TBCE: variants seen among roughly 807,000 people sequenced by gnomAD.
TBCE encodes tubulin folding cofactor E, also known as tubulin-specific chaperone E.
Under a neutral mutation model 77.0 loss-of-function variants are expected in TBCE, and 53 were observed. That is an observed-to-expected ratio of 0.69 (90% CI 0.55 to 0.87). The LOEUF is 0.87. Ranked by LOEUF, TBCE falls within the 40% of genes least tolerant of loss-of-function variation. The probability of loss-of-function intolerance (pLI) is 0.00; values close to 1 mark genes in which losing one functional copy is unlikely to be tolerated. For missense variants in TBCE, 624 were observed against 622.4 expected (o/e 1.00, Z -0.03); for synonymous variants, 235 against 241.3 (o/e 0.97, Z 0.24).
At chr1:235,418,078 G>A (rs944689988) in intron 4 of TBCE, among the ~76,000 whole-genome samples, 1 of 152,082 alleles carries the variant, frequency 6.6e-6, no homozygotes, top group Non-Finnish European at 1.5e-5. Flanking sequence ...CACTGCCCCC[G>A]GCCATGTATT....
At chr1:235,412,746 GTATGTT>G (rs1028476179) in intron 3 of TBCE, among the ~76,000 whole-genome samples, 21 of 152,248 alleles carry the variant, frequency 1.4e-4, no homozygotes, top group African/African-American at 5.1e-4. Flanking sequence ...AAAACTGTAC[GTATGTT>G]TATGTTAACA....
In TBCE at chr1:235,426,834, G is replaced by A. The variant is rs564882050; in HGVS notation, c.461-306G>A. On this transcript the variant is annotated intron_variant, in intron 5 of 16. Transcript: ENST00000642610. ...TTAATTTCTGTATTTTTAGTAGAAT[G>A]GGGTTTTGCCATGTGGGCCAGGCTG... Among the ~76,000 whole-genome samples the A allele has an allele frequency of 7.9e-5, 12 of 152,236 alleles. No individual in the cohort carries two copies. In the South Asian group the frequency reaches 2.5e-3, roughly 32 times the overall value.
intron 16 of TBCE, 87 bp from the exon 17 acceptor site, chr1:235,448,583 G>A (rs1682644311): frequency 7.7e-5 from 106 of 1,383,848 alleles, no homozygotes; most frequent in Non-Finnish European, 1.1e-4. Flanking sequence ...GCTACTGCCT[G>A]GGGACGGGGT....
rs749765747 is a variant in TBCE, at chr1:235,380,160, AT to A, written c.100+13del. On this transcript the variant is annotated intron_variant, in intron 2 of 16. Coordinates refer to ENST00000642610, the MANE Select transcript of TBCE (RefSeq NM_003193.5). Reference sequence around the variant, plus strand: ...TCCCTCCCGTGGCAGGTAAGCAATTATTGTGTGTGTGTGTGTGTGTGTGTGT... The same window carrying A: ...TCCCTCCCGTGGCAGGTAAGCAATTATGTGTGTGTGTGTGTGTGTGTGTGT... The A allele has an allele frequency of 1.7e-3, 2,374 of 1,358,300 alleles. 3 individuals are homozygous for A. The highest frequency in any genetic ancestry group is 2.0e-3 in the Non-Finnish European group (1,925 of 976,282). The allele number at this position is 1,358,300 out of a possible 1,614,324, so 84.1% of individuals were successfully genotyped here. A position where few individuals can be genotyped will look rare whatever the true frequency, so the allele number is the denominator to read the frequency against.
At chr1:235,439,711 C>G (rs1213022135) in intron 13 of TBCE, among the ~76,000 whole-genome samples, 1 of 151,594 alleles carries the variant, frequency 6.6e-6, no homozygotes, top group Non-Finnish European at 1.5e-5. Flanking sequence ...TGGTCTTGAA[C>G]TCCTGACCTC....
At chr1:235,392,900 C>T (rs911881915) in intron 2 of TBCE, among the ~76,000 whole-genome samples, 7 of 151,714 alleles carry the variant, frequency 4.6e-5, no homozygotes, top group African/African-American at 1.5e-4. Context: ...GCCTGTAGTC[C>T]CAGCTACTGG....
intron 7 of TBCE, chr1:235,433,067 A>G: frequency 6.4e-7 from 1 of 1,553,812 alleles, no homozygotes; most frequent in Non-Finnish European, 8.6e-7. Context: ...AGTGCCAAGG[A>G]CCACACATCC....
intron 2 of TBCE, among the ~76,000 whole-genome samples, chr1:235,387,629 T>A (rs184349844): frequency 6.6e-6 from 1 of 152,234 alleles, no homozygotes; most frequent in Non-Finnish European, 1.5e-5. Flanking sequence ...TCTCCTGGTG[T>A]GCCGTTTTTT....
At position 235,436,554 on chromosome 1, in the gene TBCE, GTCCATGTTCCCA is replaced by G. The variant is rs1558388888; in HGVS notation, c.913_924del (p.Met305_Ser308del). ...TTCCTCTTTTTATAGGGTGCAAAACGTCCATGTTCCCATCCTTGAAGTACCTGGTAGTAAACG... is the reference window on the plus strand; with the variant it reads ...TTCCTCTTTTTATAGGGTGCAAAACGTCCTTGAAGTACCTGGTAGTAAACG... On this transcript the variant is annotated inframe_deletion, in exon 11 of 17. Coordinates refer to ENST00000642610, the MANE Select transcript of TBCE (RefSeq NM_003193.5). 1.9e-6 allele frequency: 3 copies of G among 1,613,792 alleles called. No homozygotes were observed. Among genetic ancestry groups the G allele is most frequent in the African/African-American group, 1.3e-5 (1 of 74,948 alleles).
chr1:235,415,495 G>C (rs1208297651), intron 4 of TBCE: 7 of 152,146 alleles, frequency 4.6e-5, no homozygotes, highest in African/African-American at 1.7e-4. Flanking sequence ...CTTGGACGAG[G>C]CATCTGGGTA....
chr1:235,397,034 G>A (rs2102848442), intron 2 of TBCE, among the ~76,000 whole-genome samples: 1 of 151,890 alleles, frequency 6.6e-6, no homozygotes, highest in Non-Finnish European at 1.5e-5. Context: ...GAGTGCAGTA[G>A]CGCCATCTTG....
At chr1:235,376,976 A>G (rs894423825) in intron 1 of TBCE, among the ~76,000 whole-genome samples, 1 of 152,118 alleles carries the variant, frequency 6.6e-6, no homozygotes, top group African/African-American at 2.4e-5. Flanking sequence ...TTAAAAAAAA[A>G]AAATCATCTA....
At chr1:235,436,973 C>T (rs1331431177) in intron 11 of TBCE, among the ~76,000 whole-genome samples, 2 of 149,914 alleles carry the variant, frequency 1.3e-5, no homozygotes, top group African/African-American at 4.9e-5. Flanking sequence ...AAAAAAAAAT[C>T]GCAAAATTAA....
intron 1 of TBCE, among the ~76,000 whole-genome samples, chr1:235,371,862 G>A (rs1031320218): frequency 1.3e-5 from 2 of 151,994 alleles, no homozygotes; most frequent in African/African-American, 4.8e-5. Context: ...TAGTAGAGGT[G>A]GGGGTTTCAC....
At chr1:235,406,975 T>C (rs1015808281) in intron 3 of TBCE, among the ~76,000 whole-genome samples, 17 of 151,776 alleles carry the variant, frequency 1.1e-4, no homozygotes, top group African/African-American at 3.1e-4. Flanking sequence ...GCTGGTATTA[T>C]AGGAAAGTGC....
intron 6 of TBCE, chr1:235,428,985 A>ATATT (rs1553338383): frequency 9.8e-6 from 1 of 102,334 alleles, no homozygotes; most frequent in African/African-American, 4.7e-5. Flanking sequence ...ATATATATAT[A>ATATT]TTTTTTTTTT....
chr1:235,378,753 A>G (rs936002716), intron 1 of TBCE, among the ~76,000 whole-genome samples: 1 of 152,084 alleles, frequency 6.6e-6, no homozygotes, highest in Non-Finnish European at 1.5e-5. Flanking sequence ...CCCAGTTACT[A>G]GGGAGGCTGT....
rs1347800988 is a variant in TBCE at position 235,451,719 on chromosome 1, G to A, written c.*2957G>A. ...AGCTGCTCTGGGACCCCAGCTCTAT[G>A]CAGGGCTTCTAACTGACAGACACTG... On this transcript the variant is annotated 3_prime_UTR_variant, in exon 17 of 17. Transcript: ENST00000642610. 1 of 152,196 alleles carries A rather than the reference G, an allele frequency of 6.6e-6. No homozygotes were observed. Among genetic ancestry groups the A allele is most frequent in the Admixed American group, 6.5e-5 (1 of 15,278 alleles). 9.4% of individuals were successfully genotyped at this position (152,196 alleles called of 1,614,324 possible). A position where few individuals can be genotyped will look rare whatever the true frequency, so the allele number is the denominator to read the frequency against.
At position 235,394,290 on chromosome 1, in the gene TBCE, A is replaced by G. The variant is rs566143322; in HGVS notation, c.101-7213A>G. The stretch of plus-strand genomic sequence containing the variant: ...GGGGTTTCACCGTGTTAGCCAGGAT[A>G]GTCTCGATCTCCTGACCTCGTGATC... On this transcript the variant is annotated intron_variant, in intron 2 of 16. Coordinates refer to ENST00000642610, the MANE Select transcript of TBCE (RefSeq NM_003193.5). 5.1e-3 allele frequency among the ~76,000 whole-genome samples: 776 copies of G among 151,912 alleles called. 7 individuals carry two copies. Among genetic ancestry groups the G allele is most frequent in the South Asian group, 0.012 (57 of 4,800 alleles).
Sources: gnomAD v4.1 joint callset for allele counts (sites outside exome capture counted in the v4.1 genomes callset) on GRCh38, gnomAD v4.1.1 for gene constraint, MANE v1.5 for transcripts, NCBI Gene and HGNC (gene_info 2026-07-23, HGNC 2026-07-21) for gene names.